Variants in KCTD3 observed in about 807,000 individuals in gnomAD.
The protein encoded by KCTD3 is potassium channel tetramerization domain containing 3, also known as BTB/POZ domain-containing protein KCTD3.
KCTD3 carries 41 observed loss-of-function variants against 85.8 expected under a neutral mutation model. That is an observed-to-expected ratio of 0.48 (90% CI 0.37 to 0.62). KCTD3 has a LOEUF of 0.62. KCTD3 is among the 20% of genes least tolerant of loss of function. KCTD3 has a pLI of 0.00. For synonymous variants in KCTD3, 338 were observed against 345.4 expected (o/e 0.98, Z 0.24); for missense variants, 724 against 989.9 (o/e 0.73, Z 3.60).
intron 9 of KCTD3, among the ~76,000 whole-genome samples, chr1:215,594,622 G>T (rs2102581632): frequency 6.6e-6 from 1 of 152,172 alleles, no homozygotes; most frequent in African/African-American, 2.4e-5. Context: ...GCATCCTTCT[G>T]TTATTATTGT....
In KCTD3 at chr1:215,618,800, T is replaced by G. The variant is rs189669625; in HGVS notation, c.1563-86T>G. On this transcript the variant is annotated intron_variant, in intron 15 of 17. Coordinates refer to ENST00000259154, the MANE Select transcript of KCTD3 (RefSeq NM_016121.5). ...CTTTTCTAGTATAACATGTTTGCTTTCTTTCTTTCTGTCTTTTTAGTTTCA... is the reference window on the plus strand; with the variant it reads ...CTTTTCTAGTATAACATGTTTGCTTGCTTTCTTTCTGTCTTTTTAGTTTCA... 8.1e-5 allele frequency: 81 copies of G among 1,000,116 alleles called. No homozygotes were observed. In the Admixed American group the frequency reaches 1.6e-3, roughly 19 times the overall value. The allele number at this position is 1,000,116 out of a possible 1,614,324, so 62.0% of individuals were successfully genotyped here. A position where few individuals can be genotyped will look rare whatever the true frequency, so the allele number is the denominator to read the frequency against.
chr1:215,574,321 A>G (rs1659487731), intron 3 of KCTD3, among the ~76,000 whole-genome samples: 1 of 152,198 alleles, frequency 6.6e-6, no homozygotes. Context: ...TGGCAATTTA[A>G]GTATTCATGA....
At chr1:215,574,834 T>G (rs559939945) in intron 3 of KCTD3, among the ~76,000 whole-genome samples, 91 of 152,354 alleles carry the variant, frequency 6.0e-4, no homozygotes, top group African/African-American at 1.9e-3. Context: ...AGGAAGAGTT[T>G]TATTACTGGC....
rs1328502677 is a variant in KCTD3, at chr1:215,575,912, T to C, written c.195T>C (p.Asp65=). ...TCTCTTTTTTACAGATATTTATTGA[T>C]AGAGATCCAGCAGCATTTGCACCCA... ...LRDETGAIFI[D]RDPAAFAPIL... Residue 65 remains aspartate, a synonymous_variant, in exon 4 of 18, where the codon GAT becomes GAC. Coordinates refer to ENST00000259154, the MANE Select transcript of KCTD3 (RefSeq NM_016121.5). The C allele has an allele frequency of 6.5e-7, 1 of 1,548,920 alleles. No individual in the cohort carries two copies. Among genetic ancestry groups the C allele is most frequent in the Non-Finnish European group, 8.8e-7 (1 of 1,139,850 alleles).
intron 1 of KCTD3, among the ~76,000 whole-genome samples, chr1:215,573,436 G>T (rs1441888117): frequency 6.6e-6 from 1 of 152,166 alleles, no homozygotes; most frequent in Non-Finnish European, 1.5e-5. Context: ...CTGGAGAGAT[G>T]AGATGGAACC....
At chr1:215,611,119 G>A (rs185261909) in intron 14 of KCTD3, among the ~76,000 whole-genome samples, 1 of 151,766 alleles carries the variant, frequency 6.6e-6, no homozygotes, top group Non-Finnish European at 1.5e-5. Context: ...TTACATTGTT[G>A]TTCAGGATCT....
chr1:215,581,154 G>A (rs1659807867), intron 8 of KCTD3: 3 of 264,446 alleles, frequency 1.1e-5, no homozygotes, highest in South Asian at 1.0e-4. Context: ...GCTGAGGCAG[G>A]AGAATCACTT....
chr1:215,607,190 A>T (rs1018844393), intron 13 of KCTD3, among the ~76,000 whole-genome samples: 4 of 151,958 alleles, frequency 2.6e-5, no homozygotes, highest in African/African-American at 9.7e-5. Flanking sequence ...GTATATAAGA[A>T]ATTTTAGATA....
chr1:215,615,708 C>G (rs1046846992), intron 15 of KCTD3, among the ~76,000 whole-genome samples: 2 of 151,790 alleles, frequency 1.3e-5, no homozygotes, highest in South Asian at 4.2e-4. Flanking sequence ...ACAGCAGATA[C>G]CCCTTTAACA....
rs777363630 is a variant in KCTD3 at position 215,619,218 on chromosome 1, C to T, written c.1813C>T (p.Arg605Cys). The change falls in exon 17 of 18, where the codon CGC becomes TGC. Residue 605 changes from arginine to cysteine, a missense_variant. This residue lies in a region of KCTD3 where 136 missense variants were observed against 197.6 expected (regional missense o/e 0.69). Transcript: ENST00000259154. ...LLDQCDLSTS[R>C]CATPNISPAT... ...CGATCAATGTGATTTGAGCACATCT[C>T]GCTGTGCTACTCCTAACATCAGTCC... 12 of 1,612,694 alleles carry T rather than the reference C, an allele frequency of 7.4e-6. No homozygotes were observed. Among genetic ancestry groups the T allele is most frequent in the Non-Finnish European group, 5.9e-6 (7 of 1,178,810 alleles).
intron 8 of KCTD3, 58 bp downstream of exon 8, chr1:215,580,057 G>T: frequency 1.8e-6 from 2 of 1,110,628 alleles, no homozygotes; most frequent in South Asian, 1.3e-5. Flanking sequence ...AATTAATTGT[G>T]ATTTTATATT....
rs1659808357 is a variant in KCTD3 at position 215,581,182 on chromosome 1, G to A, written c.626+1183G>A. Reference sequence around the variant, plus strand: ...AATCACTTGAACCCAGGAGGTGGGGGTTGCAGTGAGCTGATAGCTCACCAT... The same window carrying A: ...AATCACTTGAACCCAGGAGGTGGGGATTGCAGTGAGCTGATAGCTCACCAT... On this transcript the variant is annotated intron_variant, in intron 8 of 17. Transcript: ENST00000259154. 1.6e-4 allele frequency: 37 copies of A among 231,830 alleles called. 3 individuals carry two copies. In the South Asian group the frequency reaches 1.7e-3, roughly 10 times the overall value. The allele number at this position is 231,830 out of a possible 1,614,324, so 14.4% of individuals were successfully genotyped here.
intron 9 of KCTD3, among the ~76,000 whole-genome samples, chr1:215,594,323 A>G (rs1416914726): frequency 1.3e-5 from 2 of 152,312 alleles, no homozygotes; most frequent in East Asian, 3.9e-4. Flanking sequence ...CTAAAGAGAG[A>G]CAAGTGTATA....
At chr1:215,581,185 G>A (rs1237379570) in intron 8 of KCTD3, 2 of 228,756 alleles carry the variant, frequency 8.7e-6, no homozygotes, top group South Asian at 4.6e-5. Flanking sequence ...GGTGGGGGTT[G>A]CAGTGAGCTG....
At chr1:215,589,124 C>T (rs12733007) in intron 9 of KCTD3, among the ~76,000 whole-genome samples, 2 of 151,976 alleles carry the variant, frequency 1.3e-5, no homozygotes, top group African/African-American at 4.8e-5. Flanking sequence ...TACTTAATTT[C>T]TTTTTCTTCT....
At chr1:215,584,251 A>G (rs991589263) in intron 8 of KCTD3, among the ~76,000 whole-genome samples, 1 of 152,232 alleles carries the variant, frequency 6.6e-6, no homozygotes, top group African/African-American at 2.4e-5. Context: ...AATAAAAAGC[A>G]TACCATAGTT....
At chr1:215,569,073 C>A (rs1296111984) in intron 1 of KCTD3, among the ~76,000 whole-genome samples, 1 of 151,896 alleles carries the variant, frequency 6.6e-6, no homozygotes, top group African/African-American at 2.4e-5. Flanking sequence ...ACAATCCCTA[C>A]ACTGGTTTCT....
chr1:215,617,480 G>A (rs975017897), intron 15 of KCTD3, among the ~76,000 whole-genome samples: 12 of 152,052 alleles, frequency 7.9e-5, no homozygotes, highest in African/African-American at 2.7e-4. Flanking sequence ...TGCTTGCTTG[G>A]TGTTTGGTGA....
intron 5 of KCTD3, 32 bp from the exon 6 acceptor site, chr1:215,577,969 C>G: frequency 6.2e-7 from 1 of 1,601,468 alleles, no homozygotes; most frequent in Non-Finnish European, 8.5e-7. Context: ...TTTGCATGTA[C>G]TCTTGACAAG....
Sources: gnomAD v4.1 joint callset for allele counts (sites outside exome capture counted in the v4.1 genomes callset) on GRCh38, gnomAD v4.1.1 for gene constraint, gnomAD v4.1.1 regional missense constraint, MANE v1.5 for transcripts, NCBI Gene and HGNC (gene_info 2026-07-23, HGNC 2026-07-21) for gene names.